Variants in SMAD2 observed in about 807,000 individuals in gnomAD.
SMAD2 encodes the protein MAD homolog 2.
A neutral mutation model predicts 64.4 loss-of-function variants in SMAD2; 8 were observed. That is an observed-to-expected ratio of 0.12 (90% CI 0.07 to 0.22). SMAD2 has a LOEUF of 0.22. Ranked by LOEUF, SMAD2 falls within the 10% of genes least tolerant of loss-of-function variation. The probability of loss-of-function intolerance (pLI) is 1.00; values close to 1 mark genes in which losing one functional copy is unlikely to be tolerated. For synonymous variants in SMAD2, 203 were observed against 195.8 expected (o/e 1.04, Z -0.31); for missense variants, 289 against 561.2 (o/e 0.51, Z 4.90).
In SMAD2 at chr18:47,845,819, GAGATT is replaced by G. The variant is rs1316086107; in HGVS notation, c.998-24_998-20del. 3 of 1,610,882 alleles carry G rather than the reference GAGATT, an allele frequency of 1.9e-6. No individual in the cohort carries two copies. Among genetic ancestry groups the G allele is most frequent in the Non-Finnish European group, 2.5e-6 (3 of 1,177,284 alleles). On this transcript the variant is annotated intron_variant, in intron 8 of 10. Coordinates refer to ENST00000262160, the MANE Select transcript of SMAD2 (RefSeq NM_005901.6). The stretch of plus-strand genomic sequence containing the variant: ...CCTCTTCCTGAAACAAAATACAAAT[GAGATT>G]AGTTTTGTAACATTTACTATTTCAG...
chr18:47,875,940 G>A (rs1425454810), intron 2 of SMAD2, among the ~76,000 whole-genome samples: 3 of 151,990 alleles, frequency 2.0e-5, no homozygotes, highest in South Asian at 2.1e-4. Flanking sequence ...TTTGGTTAGC[G>A]TTAAGTTTGC....
At chr18:47,875,024 C>T (rs911882307) in intron 2 of SMAD2, among the ~76,000 whole-genome samples, 1 of 152,000 alleles carries the variant, frequency 6.6e-6, no homozygotes. Flanking sequence ...TCATTTAAAG[C>T]GCAGTTTGGG....
intron 1 of SMAD2, among the ~76,000 whole-genome samples, chr18:47,907,305 G>C (rs2033944181): frequency 6.6e-6 from 1 of 152,096 alleles, no homozygotes; most frequent in Non-Finnish European, 1.5e-5. Context: ...AATAATTATA[G>C]TGTGCTCATA....
At chr18:47,847,021 G>T (rs944308354) in intron 8 of SMAD2, among the ~76,000 whole-genome samples, 1 of 152,074 alleles carries the variant, frequency 6.6e-6, no homozygotes. Context: ...AGATTTTTCA[G>T]GCTATATTCC....
Position 47,845,818 on chromosome 18 carries a change from T to C in SMAD2, c.998-18A>G, listed in dbSNP as rs189675475. On this transcript the variant is annotated intron_variant, in intron 8 of 10. Coordinates refer to ENST00000262160, the MANE Select transcript of SMAD2 (RefSeq NM_005901.6). ...TCCTCTTCCTGAAACAAAATACAAA[T>C]GAGATTAGTTTTGTAACATTTACTA... The C allele has an allele frequency of 2.6e-4, 412 of 1,605,750 alleles. 2 individuals carry two copies. In the African/African-American group the frequency reaches 4.8e-3, roughly 19 times the overall value.
At position 47,869,404 on chromosome 18, in the gene SMAD2, C is replaced by T. The variant is rs374809046; in HGVS notation, c.359G>A (p.Arg120Gln). 1 of 1,609,502 alleles carries T rather than the reference C, an allele frequency of 6.2e-7. No individual in the cohort carries two copies. Among genetic ancestry groups the T allele is most frequent in the Non-Finnish European group, 8.5e-7 (1 of 1,178,738 alleles). ...ATATATAACATGTGGCAATCCTTTT[C>T]GATGGGATACCTGGAGACGACCATC... ...SLDGRLQVSHRKGLPHVIYCR... is the reference protein window; with the variant it reads ...SLDGRLQVSHQKGLPHVIYCR... Residue 120 changes from arginine to glutamine, a missense_variant, in exon 4 of 11, where the codon CGA becomes CAA. Coordinates refer to ENST00000262160, the MANE Select transcript of SMAD2 (RefSeq NM_005901.6).
chr18:47,827,119 A>AGCCAT lies in SMAD2; in HGVS notation c.*14703_*14707dup, dbSNP rs918534412. The AGCCAT allele has an allele frequency of 2.6e-5, 4 of 152,364 alleles. No individual in the cohort carries two copies. The highest frequency in any genetic ancestry group is 9.6e-5 in the African/African-American group (4 of 41,594). The allele number at this position is 152,364 out of a possible 1,614,324, so 9.4% of individuals were successfully genotyped here. Reference sequence around the variant, plus strand: ...AAATTAGCAGAATGTTATTCTGTCCAGCCATTAAAATCCAAAAAAAAAATT... The same window carrying AGCCAT: ...AAATTAGCAGAATGTTATTCTGTCCAGCCATGCCATTAAAATCCAAAAAAAAAATT... On this transcript the variant is annotated 3_prime_UTR_variant, in exon 11 of 11. Coordinates refer to ENST00000262160, the MANE Select transcript of SMAD2 (RefSeq NM_005901.6).
chr18:47,909,949 GA>G (rs1275765863), intron 1 of SMAD2, among the ~76,000 whole-genome samples: 1 of 152,024 alleles, frequency 6.6e-6, no homozygotes, highest in African/African-American at 2.4e-5. Context: ...GTACTCCATG[GA>G]AAAGACCGTC....
chr18:47,866,819 CT>C (rs2031597198), intron 5 of SMAD2: 1 of 152,108 alleles, frequency 6.6e-6, no homozygotes, highest in Admixed American at 6.5e-5. Context: ...TAATCCACTT[CT>C]GATTTTCTAC....
chr18:47,911,988 T>C (rs2034155804), intron 1 of SMAD2, among the ~76,000 whole-genome samples: 1 of 152,182 alleles, frequency 6.6e-6, no homozygotes, highest in Non-Finnish European at 1.5e-5. Flanking sequence ...GACACCGTAG[T>C]ATCATGTGAC....
intron 1 of SMAD2, among the ~76,000 whole-genome samples, chr18:47,910,479 A>G (rs144325869): frequency 5.3e-5 from 8 of 152,354 alleles, no homozygotes; most frequent in South Asian, 2.1e-4. Context: ...CAAAAGGTGT[A>G]AGGAGGACTG....
At chr18:47,929,115 A>G (rs1297748032) in intron 1 of SMAD2, among the ~76,000 whole-genome samples, 1 of 152,224 alleles carries the variant, frequency 6.6e-6, no homozygotes, top group Non-Finnish European at 1.5e-5. Flanking sequence ...CCCTCAAACT[A>G]TGGTACATTT....
At chr18:47,896,111 C>T (rs1310353168) in intron 2 of SMAD2, among the ~76,000 whole-genome samples, 1 of 152,268 alleles carries the variant, frequency 6.6e-6, no homozygotes, top group Non-Finnish European at 1.5e-5. Context: ...AATGCTGCAA[C>T]GCAAAGAAAA....
intron 2 of SMAD2, among the ~76,000 whole-genome samples, chr18:47,888,886 C>A (rs2033046860): frequency 6.6e-6 from 1 of 152,048 alleles, no homozygotes; most frequent in South Asian, 2.1e-4. Flanking sequence ...AGAACTGCCA[C>A]ACAGAAGACT....
At chr18:47,859,281 G>A (rs1389248681) in intron 6 of SMAD2, among the ~76,000 whole-genome samples, 2 of 151,882 alleles carry the variant, frequency 1.3e-5, no homozygotes, top group South Asian at 4.1e-4. Flanking sequence ...GACAAAATAA[G>A]GAGATTTTAA....
At chr18:47,845,530 T>C in intron 9 of SMAD2, 46 bp from the exon 10 acceptor site, 2 of 1,596,090 alleles carry the variant, frequency 1.3e-6, no homozygotes, top group Non-Finnish European at 1.7e-6. Flanking sequence ...AGTATCATTA[T>C]TAAAAAGTAA....
rs182100239 is a variant in SMAD2, at chr18:47,853,645, G to C, written c.731-2318C>G. Among the ~76,000 whole-genome samples, 569 of 152,138 alleles carry C rather than the reference G, an allele frequency of 3.7e-3. 1 individual carries two copies. Among genetic ancestry groups the C allele is most frequent in the African/African-American group, 0.013 (548 of 41,498 alleles). On this transcript the variant is annotated intron_variant, in intron 6 of 10. Transcript: ENST00000262160. ...AATAAAGGTGAAATGGTAGCCCCTA[G>C]ATAAATAAATGAATCAGAGAAGGGA...
chr18:47,927,336 C>T (rs769503590), intron 1 of SMAD2, among the ~76,000 whole-genome samples: 3 of 152,130 alleles, frequency 2.0e-5, no homozygotes, highest in Admixed American at 6.5e-5. Context: ...TTCACATCTT[C>T]CCTAGTGCTA....
At chr18:47,923,213 A>C (rs566727903) in intron 1 of SMAD2, among the ~76,000 whole-genome samples, 32 of 151,452 alleles carry the variant, frequency 2.1e-4, no homozygotes, top group African/African-American at 7.3e-4. Context: ...ACAACACTAC[A>C]CAGGCCCAGA....
Sources: allele counts gnomAD v4.1 joint callset (sites outside exome capture counted in the v4.1 genomes callset), GRCh38; gene constraint gnomAD v4.1.1; transcripts MANE v1.5; gene names NCBI Gene and HGNC (gene_info 2026-07-23, HGNC 2026-07-21).